PC: variants seen among roughly 807,000 people sequenced by gnomAD.
The protein encoded by PC is pyruvate carboxylase, mitochondrial.
Under a neutral mutation model 107.8 loss-of-function variants are expected in PC, and 46 were observed. That is an observed-to-expected ratio of 0.43 (90% CI 0.34 to 0.55). PC has a LOEUF of 0.55. PC is among the 20% of genes least tolerant of loss of function. The pLI is 0.04. For missense variants in PC, 1,241 were observed against 1,643.1 expected (o/e 0.76, Z 4.23); for synonymous variants, 662 against 684.7 (o/e 0.97, Z 0.52).
intron 3 of PC, among the ~76,000 whole-genome samples, chr11:66,913,994 A>C (rs1418838418): frequency 6.6e-6 from 1 of 152,206 alleles, no homozygotes. Context: ...AGGATTAAGA[A>C]TGTTGCCCTC....
intron 3 of PC, among the ~76,000 whole-genome samples, chr11:66,875,594 G>T (rs1244509751): frequency 1.3e-5 from 2 of 152,106 alleles, no homozygotes; most frequent in Non-Finnish European, 2.9e-5. Context: ...GCCTGGAGGA[G>T]GGAGGGACGC....
chr11:66,858,195 G>A lies in PC; in HGVS notation c.1369-4812C>T. The stretch of plus-strand genomic sequence containing the variant: ...CTTCCTAGAGAGCCTGGAGGACCTG[G>A]ACCTGTCCTACAACAACCTCCGGCA... On this transcript the variant is annotated intron_variant, in intron 12 of 22. Coordinates refer to ENST00000393960, the MANE Select transcript of PC (RefSeq NM_001040716.2). The surrounding 1 kb of genome is among the most constrained non-coding windows in gnomAD (Gnocchi z 5.9). 1 of 1,612,272 alleles carries A rather than the reference G, an allele frequency of 6.2e-7. No individual in the cohort carries two copies.
At chr11:66,876,714 C>G (rs1205694884) in intron 3 of PC, among the ~76,000 whole-genome samples, 1 of 152,206 alleles carries the variant, frequency 6.6e-6, no homozygotes, top group Non-Finnish European at 1.5e-5. Flanking sequence ...CAGCTGGGAG[C>G]AGGCGGCACT....
At chr11:66,851,341 C>T in intron 16 of PC, 61 bp from the exon 17 acceptor site, 1 of 1,597,118 alleles carries the variant, frequency 6.3e-7, no homozygotes, top group Non-Finnish European at 8.5e-7. Context: ...ACAGTCTTCC[C>T]TGGCTCCTTC....
chr11:66,897,095 CTGA>C, intron 3 of PC, among the ~76,000 whole-genome samples: 1 of 152,158 alleles, frequency 6.6e-6, no homozygotes, highest in South Asian at 2.1e-4. Flanking sequence ...CCATGCCTGG[CTGA>C]TTTTTTTGTA....
Position 66,851,784 on chromosome 11 carries a change from G to A in PC, c.1982+6C>T. 1.2e-6 allele frequency: 2 copies of A among 1,614,056 alleles called. No individual in the cohort carries two copies. The highest frequency in any genetic ancestry group is 1.1e-5 in the South Asian group (1 of 91,076). ...GTAGCGTCTGCCCACCCCACCCCAG[G>A]CTCACTTGAAGACCACGTTGTCTGG... is the stretch of plus-strand genomic sequence containing the variant. On this transcript the variant is annotated splice_donor_region_variant and intron_variant, in intron 16 of 22. Transcript: ENST00000393960.
intron 10 of PC, 36 bp downstream of exon 10, chr11:66,868,810 C>T: frequency 6.5e-7 from 1 of 1,531,844 alleles, no homozygotes; most frequent in Non-Finnish European, 9.0e-7. Context: ...ATCCTAGAAG[C>T]CGCGCCTCCC....
intron 3 of PC, among the ~76,000 whole-genome samples, chr11:66,948,439 C>A (rs189306084): frequency 6.6e-6 from 1 of 152,144 alleles, no homozygotes. Flanking sequence ...TGAATGTGTT[C>A]ACTCTCTGGA....
At chr11:66,921,644 C>A (rs1440968920) in intron 3 of PC, among the ~76,000 whole-genome samples, 1 of 152,074 alleles carries the variant, frequency 6.6e-6, no homozygotes, top group Non-Finnish European at 1.5e-5. Flanking sequence ...CTGAGCTCTG[C>A]CACTCCCGAG....
intron 3 of PC, among the ~76,000 whole-genome samples, chr11:66,889,006 G>A (rs960358597): frequency 1.6e-4 from 25 of 152,228 alleles, no homozygotes; most frequent in African/African-American, 4.8e-4. Context: ...CCCAGGAGGC[G>A]GAGGTTGCTG....
chr11:66,850,206 C>G lies in PC; in HGVS notation c.2718+14G>C, dbSNP rs745905844. The G allele has an allele frequency of 2.5e-6, 4 of 1,613,852 alleles. No individual in the cohort carries two copies. The highest frequency in any genetic ancestry group is 2.2e-5 in the East Asian group (1 of 44,880). On this transcript the variant is annotated intron_variant, in intron 19 of 22. Transcript: ENST00000393960. ...CAGGGCTGGGTCAGGTAAGGAGCAC[C>G]GGGCCGGGCTCACCTTGATGAGATC...
At chr11:66,920,490 A>T (rs1281778347) in intron 3 of PC, among the ~76,000 whole-genome samples, 1 of 152,106 alleles carries the variant, frequency 6.6e-6, no homozygotes, top group Non-Finnish European at 1.5e-5. Flanking sequence ...TGGACCTAAC[A>T]CTGGAGAAAG....
intron 3 of PC, among the ~76,000 whole-genome samples, chr11:66,879,813 G>A (rs1212802506): frequency 6.6e-6 from 1 of 152,206 alleles, no homozygotes; most frequent in African/African-American, 2.4e-5. Flanking sequence ...GGGAGGGCAG[G>A]TTTCTGTGAT....
At chr11:66,935,516 G>A (rs937429000) in intron 3 of PC, among the ~76,000 whole-genome samples, 2 of 152,158 alleles carry the variant, frequency 1.3e-5, no homozygotes, top group African/African-American at 4.8e-5. Flanking sequence ...AGCTGCAAAC[G>A]TCCATGAAGT....
chr11:66,899,431 G>C (rs893670176), intron 3 of PC, among the ~76,000 whole-genome samples: 2 of 152,146 alleles, frequency 1.3e-5, no homozygotes, highest in African/African-American at 4.8e-5. Flanking sequence ...CTGTCGCCCA[G>C]GCTGGAGGGC....
intron 3 of PC, among the ~76,000 whole-genome samples, chr11:66,892,483 C>T (rs192645200): frequency 2.5e-4 from 38 of 152,330 alleles, no homozygotes; most frequent in African/African-American, 8.9e-4. Context: ...CCAAGCTACT[C>T]GTTTGCCACA....
At chr11:66,904,493 C>T (rs1948092453) in intron 3 of PC, among the ~76,000 whole-genome samples, 1 of 152,186 alleles carries the variant, frequency 6.6e-6, no homozygotes, top group Admixed American at 6.5e-5. Flanking sequence ...CAAAAATTAG[C>T]CTTGCATGGT....
chr11:66,942,940 C>T (rs1404945518), intron 3 of PC, among the ~76,000 whole-genome samples: 1 of 151,372 alleles, frequency 6.6e-6, no homozygotes, highest in Non-Finnish European at 1.5e-5. Context: ...TGCTTGAACC[C>T]GGGAGGCGGA....
intron 12 of PC, among the ~76,000 whole-genome samples, chr11:66,862,033 C>T (rs1408926787): frequency 6.6e-6 from 1 of 152,128 alleles, no homozygotes; most frequent in East Asian, 1.9e-4. Context: ...CAGCCAGGAC[C>T]ACAGAGCAAC....
Sources: gnomAD v4.1 joint callset for allele counts (sites outside exome capture counted in the v4.1 genomes callset) on GRCh38, gnomAD v4.1.1 for gene constraint, Gnocchi (gnomAD v3.1) non-coding constraint, MANE v1.5 for transcripts, NCBI Gene and HGNC (gene_info 2026-07-23, HGNC 2026-07-21) for gene names.